The following SERF2 variants were observed in gnomAD, a reference collection of about 807,000 sequenced individuals.
SERF2 encodes small EDRK-rich factor 2.
In SERF2, 4 loss-of-function variants were observed where a neutral mutation model predicts 10.7. The ratio of observed to expected loss-of-function variants is 0.37; its 90% CI spans 0.18 to 0.86. The LOEUF (loss-of-function observed/expected upper bound fraction) is 0.86, where lower values mean the gene tolerates loss of function less well. Among genes scored for constraint, SERF2 ranks in the 40% least tolerant of loss-of-function variants. The pLI is 0.43. For missense variants in SERF2, 47 were observed against 79.1 expected (o/e 0.59, Z 1.54); for synonymous variants, 26 against 26.0 (o/e 1.00, Z 0.01).
chr15:43,792,945 C>G, intron 1 of SERF2, 30 bp from the exon 2 acceptor site: 3 of 1,514,098 alleles, frequency 2.0e-6, no homozygotes, highest in East Asian at 4.7e-5. Flanking sequence ...GAGCGGCCCC[C>G]GCGTCTCACC....
At chr15:43,778,429 T>C (rs2086938880) in intron 1 of SERF2, among the ~76,000 whole-genome samples, 2 of 151,562 alleles carry the variant, frequency 1.3e-5, no homozygotes, top group Admixed American at 6.6e-5. Flanking sequence ...TAGTCCCAGC[T>C]ACTCAGGAGG....
chr15:43,787,300 G>C (rs1408614967), intron 2 of SERF2, among the ~76,000 whole-genome samples: 4 of 152,074 alleles, frequency 2.6e-5, no homozygotes, highest in Non-Finnish European at 4.4e-5. Context: ...CGCCCGGCCA[G>C]GCCTGGGTTC....
rs756355019 is a variant in SERF2, at chr15:43,793,566, G to A, written c.117-144G>A. On this transcript the variant is annotated intron_variant, in intron 2 of 2. Transcript: ENST00000249786. The stretch of plus-strand genomic sequence containing the variant: ...TTTGAGCCTCAGCTCTCTTCCTCTT[G>A]TTCTCCTAGGGTGGGAGTACAGCAG... The A allele has an allele frequency of 3.9e-6, 6 of 1,530,278 alleles. No homozygotes were observed. In the East Asian group the frequency reaches 9.2e-5, roughly 23 times the overall value. 94.8% of individuals were successfully genotyped at this position (1,530,278 alleles called of 1,614,324 possible).
intron 2 of SERF2, 167 bp downstream of exon 2, chr15:43,793,250 C>CTCACAGCCT: frequency 1.7e-6 from 1 of 597,026 alleles, no homozygotes; most frequent in Non-Finnish European, 3.0e-6. Context: ...AAATTGTTAG[C>CTCACAGCCT]TCACAGCCTT....
chr15:43,791,219 G>A (rs1377896304), upstream of SERF2, among the ~76,000 whole-genome samples: 3 of 151,346 alleles, frequency 2.0e-5, no homozygotes, highest in Non-Finnish European at 2.9e-5. Flanking sequence ...GACTACAGGC[G>A]CCCGCCACCA....
chr15:43,788,531 G>T (rs1365351814), upstream of SERF2, among the ~76,000 whole-genome samples: 1 of 152,138 alleles, frequency 6.6e-6, no homozygotes, highest in Non-Finnish European at 1.5e-5. Context: ...ACCCAGGCTG[G>T]AGTGCAGTGG....
Position 43,795,034 on chromosome 15 carries a change from A to G in SERF2, c.*1261A>G, listed in dbSNP as rs1186591979. ...AGGATATTTGTTATCTGGGGATATGATGCGGTGGCGGCGGCGCCTCAAGAT... is the reference window on the plus strand; with the variant it reads ...AGGATATTTGTTATCTGGGGATATGGTGCGGTGGCGGCGGCGCCTCAAGAT... On this transcript the variant is annotated 3_prime_UTR_variant, in exon 3 of 3. Transcript: ENST00000249786. 16 of 1,605,516 alleles carry G rather than the reference A, an allele frequency of 1.0e-5. No individual in the cohort carries two copies. In the South Asian group the frequency reaches 1.8e-4, roughly 18 times the overall value.
chr15:43,792,224 T>G, upstream of SERF2: 1 of 699,436 alleles, frequency 1.4e-6, no homozygotes, highest in African/African-American at 1.7e-5. Flanking sequence ...TGGATCCACG[T>G]GCTTTTTCTT....
At chr15:43,786,791 G>A (rs2087010883) in intron 2 of SERF2, among the ~76,000 whole-genome samples, 1 of 152,140 alleles carries the variant, frequency 6.6e-6, no homozygotes, top group African/African-American at 2.4e-5. Context: ...TCTCTTCTAG[G>A]TGATAGACTA....
At chr15:43,793,548 C>T (rs1339339140) in intron 2 of SERF2, 162 bp from the exon 3 acceptor site, 2 of 1,496,358 alleles carry the variant, frequency 1.3e-6, no homozygotes, top group Non-Finnish European at 1.8e-6. Context: ...CCTTTTGAGC[C>T]TCAGCTCTCT....
At position 43,794,009 on chromosome 15, in the gene SERF2, G is replaced by A. The variant is rs928643399; in HGVS notation, c.*236G>A. The A allele has an allele frequency of 4.8e-6, 7 of 1,472,212 alleles. No individual in the cohort carries two copies. In the Admixed American group the frequency reaches 1.7e-4, roughly 35 times the overall value. The allele number at this position is 1,472,212 out of a possible 1,614,324, so 91.2% of individuals were successfully genotyped here. On this transcript the variant is annotated 3_prime_UTR_variant, in exon 3 of 3. Transcript: ENST00000249786. Reference sequence around the variant, plus strand: ...CTTCCCAGTGTTTTTTATTCCTGTGGGGCTCACCCCAAAGTATTAAAAGTA... The same window carrying A: ...CTTCCCAGTGTTTTTTATTCCTGTGAGGCTCACCCCAAAGTATTAAAAGTA...
upstream of SERF2, chr15:43,792,124 C>A (rs574301098): frequency 1.7e-6 from 1 of 583,744 alleles, no homozygotes; most frequent in Non-Finnish European, 3.1e-6. Flanking sequence ...CAGGCCCGTC[C>A]CTACGTCTCA....
chr15:43,777,324 G>A (rs2086928374), exon 1 of SERF2: 5 of 344,874 alleles, frequency 1.4e-5, no homozygotes, highest in Non-Finnish European at 2.3e-5. Context: ...TTCAGCCGCA[G>A]AGGGGCGGGA....
rs745342456 is a variant in SERF2, at chr15:43,793,835, A to T, written c.*62A>T. The stretch of plus-strand genomic sequence containing the variant: ...CTGTGTGCCTGGAGCCAGTCCCACC[A>T]CGCTCGCGTTTCCTCCTGTAGTGCT... On this transcript the variant is annotated 3_prime_UTR_variant, in exon 3 of 3. Transcript: ENST00000249786. The T allele has an allele frequency of 6.2e-7, 1 of 1,613,956 alleles. No individual in the cohort carries two copies.
upstream of SERF2, among the ~76,000 whole-genome samples, chr15:43,790,177 CG>C (rs1368003959): frequency 2.7e-5 from 4 of 149,016 alleles, no homozygotes; most frequent in Admixed American, 2.0e-4. Context: ...GGCGTGGTGG[CG>C]GGTGCCTGTA....
upstream of SERF2, among the ~76,000 whole-genome samples, chr15:43,791,687 C>G (rs901620631): frequency 1.3e-5 from 2 of 152,236 alleles, no homozygotes; most frequent in African/African-American, 4.8e-5. Flanking sequence ...TACTTCCAAG[C>G]TGCATGTTCA....
At position 43,794,075 on chromosome 15, in the gene SERF2, G is replaced by C. The variant is rs758876324; in HGVS notation, c.*302G>C. On this transcript the variant is annotated 3_prime_UTR_variant, in exon 3 of 3. Transcript: ENST00000249786. ...GAGCGCCTGGTTTGACTGGGGACTT[G>C]GGGGGATGGGGTTGGAAGAATGACT... The C allele has an allele frequency of 4.1e-5, 47 of 1,155,762 alleles. No individual in the cohort carries two copies. Among genetic ancestry groups the C allele is most frequent in the Non-Finnish European group, 4.8e-5 (41 of 847,114 alleles). The allele number at this position is 1,155,762 out of a possible 1,614,324, so 71.6% of individuals were successfully genotyped here.
upstream of SERF2, chr15:43,792,143 G>C: frequency 1.7e-6 from 1 of 588,616 alleles, no homozygotes; most frequent in Admixed American, 2.9e-5. Context: ...CACTCGGGAA[G>C]CCCCGCCCCA....
chr15:43,793,807 C>T lies in SERF2; in HGVS notation c.*34C>T, dbSNP rs753510458. On this transcript the variant is annotated 3_prime_UTR_variant, in exon 3 of 3. Coordinates refer to ENST00000249786, the MANE Select transcript of SERF2 (RefSeq NM_001018108.4). ...CTTCGTGTCCAACCCTCTTGCCCTT[C>T]GCCTGTGTGCCTGGAGCCAGTCCCA... The T allele has an allele frequency of 1.4e-5, 22 of 1,614,186 alleles. No homozygotes were observed. Among genetic ancestry groups the T allele is most frequent in the Non-Finnish European group, 1.8e-5 (21 of 1,180,036 alleles).
Sources: allele counts gnomAD v4.1 joint callset (sites outside exome capture counted in the v4.1 genomes callset), GRCh38; gene constraint gnomAD v4.1.1; transcripts MANE v1.5; gene names NCBI Gene and HGNC (gene_info 2026-07-23, HGNC 2026-07-21).